The following CHODL variants were observed in gnomAD, a reference collection of about 807,000 sequenced individuals.
CHODL encodes chondrolectin.
A neutral mutation model predicts 34.5 loss-of-function variants in CHODL; 29 were observed. The ratio of observed to expected loss-of-function variants is 0.84; its 90% CI spans 0.63 to 1.15. The LOEUF is 1.15. Among genes scored for constraint, CHODL ranks in the 50% most tolerant of loss-of-function variants. The probability of loss-of-function intolerance (pLI) is 0.00; values close to 1 mark genes in which losing one functional copy is unlikely to be tolerated. For missense variants in CHODL, 332 were observed against 332.5 expected, an observed-to-expected ratio of 1.00 and a Z score of 0.01; for synonymous variants, 125 against 116.1, an observed-to-expected ratio of 1.08 and a Z score of -0.49.
At chr21:17,976,926 A>T (rs1045167995) in intron 1 of CHODL, among the ~76,000 whole-genome samples, 2 of 152,154 alleles carry the variant, frequency 1.3e-5, no homozygotes, top group African/African-American at 4.8e-5. Context: ...CTTTCCAGAC[A>T]GATTTAAATA....
chr21:18,233,844 T>C (rs776819649), intron 2 of CHODL, among the ~76,000 whole-genome samples: 2 of 152,148 alleles, frequency 1.3e-5, no homozygotes, highest in Non-Finnish European at 2.9e-5. Context: ...ACAATAAATA[T>C]AATCAAGGTT....
chr21:18,148,557 C>T (rs1248927318), intron 2 of CHODL, among the ~76,000 whole-genome samples: 2 of 152,022 alleles, frequency 1.3e-5, no homozygotes, highest in Admixed American at 1.3e-4. Flanking sequence ...GAAATGGATA[C>T]AGTACAACCC....
chr21:18,128,740 C>T (rs2072613681), intron 2 of CHODL, among the ~76,000 whole-genome samples: 1 of 151,836 alleles, frequency 6.6e-6, no homozygotes, highest in Non-Finnish European at 1.5e-5. Flanking sequence ...TTTTTTTTCT[C>T]CGTTTTGGTT....
intron 3 of CHODL, among the ~76,000 whole-genome samples, chr21:18,259,243 G>GT (rs1218887510): frequency 1.4e-3 from 208 of 151,960 alleles, no homozygotes; most frequent in African/African-American, 4.7e-3. Flanking sequence ...AAATTTACAG[G>GT]CTTTTTTTTA....
At chr21:18,162,052 C>G (rs1360890389) in intron 2 of CHODL, among the ~76,000 whole-genome samples, 1 of 152,152 alleles carries the variant, frequency 6.6e-6, no homozygotes, top group African/African-American at 2.4e-5. Context: ...GTAATTTATG[C>G]TCTCTGCAAG....
intron 1 of CHODL, among the ~76,000 whole-genome samples, chr21:17,951,144 A>G (rs1322925653): frequency 7.0e-6 from 1 of 143,460 alleles, no homozygotes; most frequent in African/African-American, 2.5e-5. Flanking sequence ...GTGTGTACAA[A>G]TCAATGGTTA....
chr21:18,226,962 C>T (rs574316162), intron 2 of CHODL, among the ~76,000 whole-genome samples: 1 of 152,230 alleles, frequency 6.6e-6, no homozygotes, highest in African/African-American at 2.4e-5. Flanking sequence ...GCTGCGATAA[C>T]AAAATATCAT....
chr21:18,082,588 G>A (rs549576380), intron 2 of CHODL, among the ~76,000 whole-genome samples: 1 of 152,276 alleles, frequency 6.6e-6, no homozygotes, highest in Non-Finnish European at 1.5e-5. Flanking sequence ...GATATGAACA[G>A]TGAAGTCCAG....
intron 1 of CHODL, among the ~76,000 whole-genome samples, chr21:18,020,682 G>A (rs543102739): frequency 1.1e-4 from 16 of 152,248 alleles, no homozygotes; most frequent in East Asian, 5.8e-4. Context: ...GAATGTTTGG[G>A]TCTCTACAAA....
At chr21:18,013,635 C>CTTTTTTCTTTTTTTTTTTTTTT (rs2064041001) in intron 1 of CHODL, among the ~76,000 whole-genome samples, 1 of 71,896 alleles carries the variant, frequency 1.4e-5, no homozygotes, top group Non-Finnish European at 2.5e-5. Context: ...GCTGCTGCTG[C>CTTTTTTCTTTTTTTTTTTTTTT]TTTTTTTTTT....
intron 1 of CHODL, among the ~76,000 whole-genome samples, chr21:17,919,078 C>T (rs1225006427): frequency 6.6e-6 from 1 of 152,174 alleles, no homozygotes; most frequent in Non-Finnish European, 1.5e-5. Flanking sequence ...GGGTAAAGTC[C>T]CGCTCCTGGC....
At chr21:18,051,036 G>A (rs556879006) in intron 2 of CHODL, among the ~76,000 whole-genome samples, 37 of 151,620 alleles carry the variant, frequency 2.4e-4, no homozygotes, top group Admixed American at 5.9e-4. Flanking sequence ...TCATCAACCC[G>A]TCATTTACAT....
chr21:18,099,827 G>A (rs1189283720), intron 2 of CHODL: 2 of 152,076 alleles, frequency 1.3e-5, no homozygotes, highest in African/African-American at 2.4e-5. Context: ...ACTAAGAAAC[G>A]ACACATGTAT....
intron 2 of CHODL, among the ~76,000 whole-genome samples, chr21:18,091,180 C>A (rs2065068924): frequency 6.6e-6 from 1 of 152,214 alleles, no homozygotes; most frequent in African/African-American, 2.4e-5. Flanking sequence ...GAGGTAATTG[C>A]CCATCCCAGC....
intron 1 of CHODL, among the ~76,000 whole-genome samples, chr21:18,254,638 G>T (rs889853335): frequency 6.6e-6 from 1 of 152,048 alleles, no homozygotes; most frequent in Admixed American, 6.6e-5. Context: ...ACAATAGAAA[G>T]TCCATTGCTT....
chr21:18,050,258 A>C (rs1257891451), intron 2 of CHODL, among the ~76,000 whole-genome samples: 3 of 128,274 alleles, frequency 2.3e-5, no homozygotes, highest in Non-Finnish European at 3.3e-5. Flanking sequence ...AACAGATAAG[A>C]AGTCAAATGA....
intron 1 of CHODL, among the ~76,000 whole-genome samples, chr21:17,931,853 C>T (rs1028675491): frequency 1.3e-5 from 2 of 151,980 alleles, no homozygotes; most frequent in South Asian, 2.1e-4. Flanking sequence ...TGAAAATCCT[C>T]GAAGAAAACA....
exon 2 of CHODL, chr21:18,027,889 C>G (rs197513): frequency 1 from 152,703 of 152,704 alleles, 76,351 homozygotes; most frequent in Non-Finnish European, 1. Flanking sequence ...CAAGAAGATG[C>G]CCATCTGTAG....
chr21:18,054,175 TATATATCC>T (rs1342773981), intron 2 of CHODL, among the ~76,000 whole-genome samples: 4 of 151,940 alleles, frequency 2.6e-5, no homozygotes, highest in Admixed American at 6.6e-5. Flanking sequence ...TATATCCATG[TATATATCC>T]ATATATCCAT....
Sources: allele counts gnomAD v4.1 joint callset (sites outside exome capture counted in the v4.1 genomes callset), GRCh38; gene constraint gnomAD v4.1.1; transcripts MANE v1.5; gene names NCBI Gene and HGNC (gene_info 2026-07-23, HGNC 2026-07-21).